The following IL1RAPL2 variants were observed in gnomAD, a reference collection of about 807,000 sequenced individuals.
IL1RAPL2 encodes X-linked interleukin-1 receptor accessory protein-like 2.
In IL1RAPL2, 3 loss-of-function variants were observed where a neutral mutation model predicts 44.1. The ratio of observed to expected loss-of-function variants is 0.07; its 90% CI spans 0.03 to 0.18. The LOEUF is 0.18. IL1RAPL2 is among the 10% of genes least tolerant of loss of function. The pLI, the probability that IL1RAPL2 is intolerant of heterozygous loss-of-function variation, is 1.00. For missense variants in IL1RAPL2, 391 were observed against 496.4 expected (o/e 0.79, Z 2.02); for synonymous variants, 181 against 178.8 (o/e 1.01, Z -0.10).
At chrX:105,283,337 G>A (rs2034546560) in intron 5 of IL1RAPL2, among the ~76,000 whole-genome samples, 1 of 111,245 alleles carries the variant, frequency 9.0e-6, no homozygotes, top group Admixed American at 9.6e-5. Flanking sequence ...ATTGGGGATG[G>A]CCTACTTGAA....
intron 2 of IL1RAPL2, among the ~76,000 whole-genome samples, chrX:104,905,675 G>A (rs1923968336): frequency 9.0e-6 from 1 of 111,254 alleles, no homozygotes; most frequent in Admixed American, 9.5e-5. Context: ...CTCTGTTTTG[G>A]TACCAGTACC....
chrX:105,203,859 C>T (rs1482290810), intron 3 of IL1RAPL2, among the ~76,000 whole-genome samples: 2 of 111,725 alleles, frequency 1.8e-5, no homozygotes, highest in Non-Finnish European at 3.8e-5. Flanking sequence ...TTTCTGACCC[C>T]TTAATGTTAG....
intron 3 of IL1RAPL2, among the ~76,000 whole-genome samples, chrX:105,224,779 G>T (rs2033998959): frequency 9.0e-6 from 1 of 111,702 alleles, no homozygotes; most frequent in Non-Finnish European, 1.9e-5. Flanking sequence ...AAAGAGTGAG[G>T]AAGTGAGAAA....
intron 6 of IL1RAPL2, among the ~76,000 whole-genome samples, chrX:105,516,649 T>C (rs1248476641): frequency 8.9e-6 from 1 of 112,126 alleles, no homozygotes; most frequent in Non-Finnish European, 1.9e-5. Context: ...TAGAGTGTCA[T>C]GCACATAGGA....
At chrX:105,013,639 T>C (rs1017022950) in intron 2 of IL1RAPL2, among the ~76,000 whole-genome samples, 2 of 110,592 alleles carry the variant, frequency 1.8e-5, no homozygotes, top group Non-Finnish European at 3.8e-5. Context: ...CCCTTTGTCC[T>C]GACGATTCTC....
At chrX:105,730,130 C>T (rs1342920166) in intron 7 of IL1RAPL2, among the ~76,000 whole-genome samples, 1 of 110,683 alleles carries the variant, frequency 9.0e-6, no homozygotes, top group African/African-American at 3.3e-5. Flanking sequence ...ACACATTTCA[C>T]CTGTAGAGAC....
intron 2 of IL1RAPL2, among the ~76,000 whole-genome samples, chrX:104,936,577 C>T (rs1925031634): frequency 9.2e-6 from 1 of 108,824 alleles, no homozygotes. Context: ...ACTAAAATAT[C>T]ACTGGAGATA....
intron 2 of IL1RAPL2, among the ~76,000 whole-genome samples, chrX:105,090,371 A>G (rs936068139): frequency 2.7e-5 from 3 of 111,629 alleles, no homozygotes; most frequent in Non-Finnish European, 5.7e-5. Flanking sequence ...TAACTGGGGG[A>G]AAAAAGTATG....
At chrX:105,193,854 ATTTG>A (rs1286274528) in intron 2 of IL1RAPL2, among the ~76,000 whole-genome samples, 2 of 111,668 alleles carry the variant, frequency 1.8e-5, no homozygotes, top group East Asian at 2.8e-4. Context: ...GGAGTTATTT[ATTTG>A]TTTGTTTGTT....
chrX:105,601,949 G>T (rs1261343530), intron 6 of IL1RAPL2, among the ~76,000 whole-genome samples: 1 of 110,773 alleles, frequency 9.0e-6, no homozygotes, highest in Non-Finnish European at 1.9e-5. Context: ...CAGGGAGGCT[G>T]CCCACAGTAC....
chrX:104,898,633 C>A (rs1255597254), intron 2 of IL1RAPL2, among the ~76,000 whole-genome samples: 1 of 112,249 alleles, frequency 8.9e-6, no homozygotes, highest in South Asian at 3.7e-4. Flanking sequence ...TTATTCCCTG[C>A]CAATTTTGTA....
At chrX:105,215,740 C>T (rs2033852416) in intron 3 of IL1RAPL2, among the ~76,000 whole-genome samples, 1 of 55,322 alleles carries the variant, frequency 1.8e-5, no homozygotes. Context: ...AATCCAGCAG[C>T]ACATCAAAAA....
intron 1 of IL1RAPL2, among the ~76,000 whole-genome samples, chrX:104,574,174 T>C (rs772496703): frequency 1.8e-5 from 2 of 111,288 alleles, no homozygotes; most frequent in Non-Finnish European, 3.8e-5. Flanking sequence ...GTCTTTATGG[T>C]AAAAAATACC....
At chrX:105,752,329 A>G (rs2038603870) in intron 9 of IL1RAPL2, among the ~76,000 whole-genome samples, 2 of 112,793 alleles carry the variant, frequency 1.8e-5, no homozygotes, top group Admixed American at 9.4e-5. Context: ...CAACTGAGTT[A>G]TAAACACAAA....
chrX:104,873,235 A>G (rs1014588624), intron 2 of IL1RAPL2, among the ~76,000 whole-genome samples: 1 of 110,885 alleles, frequency 9.0e-6, no homozygotes, highest in Non-Finnish European at 1.9e-5. Flanking sequence ...GGTAACTATT[A>G]TTAATACAAT....
At chrX:105,259,592 G>T (rs749315537) in intron 4 of IL1RAPL2, among the ~76,000 whole-genome samples, 2 of 111,641 alleles carry the variant, frequency 1.8e-5, no homozygotes, top group South Asian at 7.7e-4. Context: ...TGTGCTGTGG[G>T]TCCAAGCCAA....
intron 2 of IL1RAPL2, among the ~76,000 whole-genome samples, chrX:105,163,908 G>A (rs1171857367): frequency 9.0e-6 from 1 of 110,969 alleles, no homozygotes; most frequent in Non-Finnish European, 1.9e-5. Context: ...CTCCACCTGA[G>A]TACTACAGAG....
rs542735864 is a variant in IL1RAPL2 at position 105,634,287 on chromosome X, C to G, written c.773-83080C>G. On this transcript the variant is annotated intron_variant, in intron 6 of 10. Transcript: ENST00000372582. ...AGGCCTACAATTGCTCTCATTAACT[C>G]TAAGACTAAGCCCCCTGCCCACTTA... Among the ~76,000 whole-genome samples the G allele has an allele frequency of 1.6e-4, 18 of 111,111 alleles. 1 individual carries two copies. Among genetic ancestry groups the G allele is most frequent in the African/African-American group, 5.2e-4 (16 of 30,645 alleles).
intron 2 of IL1RAPL2, among the ~76,000 whole-genome samples, chrX:104,837,656 A>C (rs1921776307): frequency 9.0e-6 from 1 of 110,858 alleles, no homozygotes; most frequent in African/African-American, 3.3e-5. Flanking sequence ...GATTGCAAAA[A>C]TTTTCTCCCA....
Sources: gnomAD v4.1 joint callset for allele counts (sites outside exome capture counted in the v4.1 genomes callset) on GRCh38, gnomAD v4.1.1 for gene constraint, MANE v1.5 for transcripts, NCBI Gene and HGNC (gene_info 2026-07-23, HGNC 2026-07-21) for gene names.